Variants in MCTP1 observed in about 807,000 individuals in gnomAD.
MCTP1 encodes multiple C2 and transmembrane domain containing 1, also known as multiple C2 and transmembrane domain-containing protein 1.
In MCTP1, 69 loss-of-function variants were observed where a neutral mutation model predicts 120.6. The observed-to-expected ratio is 0.57, with a 90% CI of 0.47 to 0.70. The LOEUF is 0.70. Ranked by LOEUF, MCTP1 falls within the 30% of genes least tolerant of loss-of-function variation. MCTP1 has a pLI of 0.00. For missense variants in MCTP1, 1,203 were observed against 1,248.8 expected (o/e 0.96, Z 0.55); for synonymous variants, 529 against 493.1 (o/e 1.07, Z -0.96).
At chr5:94,924,413 A>G (rs865838205) in intron 6 of MCTP1, among the ~76,000 whole-genome samples, 37 of 152,310 alleles carry the variant, frequency 2.4e-4, no homozygotes, top group Middle Eastern at 3.4e-3. Flanking sequence ...TTTTTAAAGA[A>G]TGATTGCAGA....
chr5:94,867,328 C>T (rs766811105), intron 17 of MCTP1: 39 of 1,532,790 alleles, frequency 2.5e-5, no homozygotes, highest in Middle Eastern at 3.3e-4. Context: ...CACAAAGGGA[C>T]GTAGACACTC....
At chr5:94,854,613 G>C (rs367699804) in intron 17 of MCTP1, among the ~76,000 whole-genome samples, 14 of 151,746 alleles carry the variant, frequency 9.2e-5, no homozygotes, top group African/African-American at 2.2e-4. Context: ...CTAAGGAGTA[G>C]GTGACCAACT....
chr5:94,834,812 CTTTTT>C (rs141103769), intron 17 of MCTP1, among the ~76,000 whole-genome samples: 15 of 88,614 alleles, frequency 1.7e-4, no homozygotes, highest in African/African-American at 5.7e-4. Context: ...AACATTCTCT[CTTTTT>C]TTTTTTTTTT....
At chr5:95,231,013 T>C (rs1582605635) in intron 1 of MCTP1, among the ~76,000 whole-genome samples, 1 of 152,216 alleles carries the variant, frequency 6.6e-6, no homozygotes. Flanking sequence ...TGGAAATGGC[T>C]ATTGACATTG....
intron 17 of MCTP1, among the ~76,000 whole-genome samples, chr5:94,855,138 G>A (rs1043003733): frequency 1.3e-5 from 2 of 151,640 alleles, no homozygotes; most frequent in East Asian, 1.9e-4. Context: ...GACTTCCCTC[G>A]GAAATATAAT....
chr5:95,061,904 G>A (rs1192098639), intron 1 of MCTP1, among the ~76,000 whole-genome samples: 1 of 152,162 alleles, frequency 6.6e-6, no homozygotes, highest in Non-Finnish European at 1.5e-5. Flanking sequence ...TATGCCTCAG[G>A]TTAAAGAGCT....
intron 1 of MCTP1, among the ~76,000 whole-genome samples, chr5:95,070,491 C>G (rs1017097802): frequency 3.3e-5 from 5 of 152,238 alleles, no homozygotes; most frequent in African/African-American, 4.8e-5. Flanking sequence ...TAATTGCTCT[C>G]AACACTCTGA....
intron 1 of MCTP1, among the ~76,000 whole-genome samples, chr5:95,019,173 A>C (rs1837710113): frequency 6.6e-6 from 1 of 152,128 alleles, no homozygotes; most frequent in Admixed American, 6.6e-5. Flanking sequence ...GTATGATTTT[A>C]TGATATACAA....
Position 94,917,911 on chromosome 5 carries a change from A to T in MCTP1, c.1335T>A (p.Tyr445Ter), listed in dbSNP as rs1810522457. Residue 445 changes from tyrosine (Y) to a stop codon, truncating the protein, a stop_gained, in exon 8 of 23, where the codon TAT becomes TAA. Coordinates refer to ENST00000515393, the MANE Select transcript of MCTP1 (RefSeq NM_024717.7). LOFTEE classifies it high-confidence loss of function. ...GFCRAELQNP[Y>*]CKNVQFQTQS... ...TTGAACTTACTTGTACATTTTTGCA[A>T]TAAGGATTCTGAAGCTCTGCTCTGC... The T allele has an allele frequency of 1.9e-5, 30 of 1,613,816 alleles. No individual in the cohort carries two copies. Among genetic ancestry groups the T allele is most frequent in the Non-Finnish European group, 2.5e-5 (29 of 1,179,734 alleles).
chr5:95,045,404 T>C (rs1482724099), intron 1 of MCTP1, among the ~76,000 whole-genome samples: 16 of 152,236 alleles, frequency 1.1e-4, no homozygotes, highest in Non-Finnish European at 1.5e-5. Context: ...TGGTAACTTC[T>C]GCTTTTAGAC....
At chr5:94,814,168 G>T (rs544109375) in intron 17 of MCTP1, among the ~76,000 whole-genome samples, 1 of 152,160 alleles carries the variant, frequency 6.6e-6, no homozygotes, top group East Asian at 1.9e-4. Flanking sequence ...TTATATTTCA[G>T]TAAAACAAAA....
At chr5:94,817,820 T>A (rs1228654530) in intron 17 of MCTP1, among the ~76,000 whole-genome samples, 1 of 152,200 alleles carries the variant, frequency 6.6e-6, no homozygotes, top group African/African-American at 2.4e-5. Flanking sequence ...GGCCGATCCA[T>A]CATCTCTTAC....
rs140239335 is a variant in MCTP1, at chr5:94,900,246, A to AT, written c.1653-5412dup. Among the ~76,000 whole-genome samples, 152 of 152,290 alleles carry AT rather than the reference A, an allele frequency of 1.0e-3. 1 individual carries two copies. Among genetic ancestry groups the AT allele is most frequent in the African/African-American group, 3.5e-3 (145 of 41,558 alleles). On this transcript the variant is annotated intron_variant, in intron 10 of 22. Transcript: ENST00000515393. ...GATGTATCTCATTTTTGCATGGCTAATTTTTTACCAATTCTCATTGAAATA... is the reference window on the plus strand; with the variant it reads ...GATGTATCTCATTTTTGCATGGCTAATTTTTTTACCAATTCTCATTGAAATA...
intron 1 of MCTP1, among the ~76,000 whole-genome samples, chr5:95,211,773 T>A (rs556961387): frequency 6.6e-6 from 1 of 152,306 alleles, no homozygotes; most frequent in South Asian, 2.1e-4. Flanking sequence ...GTTTCCAGTT[T>A]TTTCTGCTCT....
At chr5:95,103,276 CCTGAATTTTTATATTCTGTGCTT>C (rs1485278164) in intron 1 of MCTP1, among the ~76,000 whole-genome samples, 1 of 151,902 alleles carries the variant, frequency 6.6e-6, no homozygotes, top group Non-Finnish European at 1.5e-5. Flanking sequence ...AAATTCTTTA[CCTGAATTTTTATATTCTGTGCTT>C]CTGTAATAAA....
At chr5:95,227,096 T>A (rs1429585611) in intron 1 of MCTP1, among the ~76,000 whole-genome samples, 1 of 152,156 alleles carries the variant, frequency 6.6e-6, no homozygotes, top group African/African-American at 2.4e-5. Context: ...CGAGGCAGAA[T>A]TTGATTTATT....
At chr5:94,971,055 CAA>C in intron 2 of MCTP1, among the ~76,000 whole-genome samples, 1 of 151,968 alleles carries the variant, frequency 6.6e-6, no homozygotes, top group Non-Finnish European at 1.5e-5. Context: ...CTCCTATAGC[CAA>C]AGAGTTAGTT....
chr5:94,810,731 CT>C (rs377566258), intron 17 of MCTP1, among the ~76,000 whole-genome samples: 263 of 152,230 alleles, frequency 1.7e-3, no homozygotes, highest in South Asian at 5.8e-3. Flanking sequence ...AGCATTCTGA[CT>C]TTTTTCCACT....
chr5:95,239,916 G>A (rs970419963), intron 1 of MCTP1, among the ~76,000 whole-genome samples: 2 of 151,664 alleles, frequency 1.3e-5, no homozygotes, highest in African/African-American at 2.4e-5. Flanking sequence ...TCTTACATAT[G>A]TTATTACACA....
Sources: gnomAD v4.1 joint callset for allele counts (sites outside exome capture counted in the v4.1 genomes callset) on GRCh38, gnomAD v4.1.1 for gene constraint, MANE v1.5 for transcripts, NCBI Gene and HGNC (gene_info 2026-07-23, HGNC 2026-07-21) for gene names.